Variants in PARP4 observed in about 807,000 individuals in gnomAD.
The protein encoded by PARP4 is poly(ADP-ribose) polymerase family member 4.
Under a neutral mutation model 187.7 loss-of-function variants are expected in PARP4, and 120 were observed. The observed-to-expected ratio is 0.64, with a 90% CI of 0.55 to 0.74. PARP4 has a LOEUF of 0.74. Among genes scored for constraint, PARP4 ranks in the 30% least tolerant of loss-of-function variants. The pLI is 0.00. For missense variants in PARP4, 1,836 were observed against 2,070.5 expected (o/e 0.89, Z 2.20); for synonymous variants, 654 against 740.9 (o/e 0.88, Z 1.90).
Position 24,477,829 on chromosome 13 carries a change from T to C in PARP4, c.1661A>G (p.Asn554Ser), listed in dbSNP as rs1162229283. The change falls in exon 14 of 34, where the codon AAT (asparagine) becomes AGT (serine). Residue 554 changes from asparagine (N) to serine (S), a missense_variant. Asn to Ser is a conservative substitution (Grantham distance 46). Around this residue, in one of 8 missense-constraint regions of PARP4, gnomAD observed 1,147 missense variants for 1,214.2 expected, o/e 0.94. Coordinates refer to ENST00000381989, the MANE Select transcript of PARP4 (RefSeq NM_006437.4). ...AATAATATATTTCATTTTAACCTGATTGGTTTTATAGACAACAAATTCATC... is the reference window on the plus strand; with the variant it reads ...AATAATATATTTCATTTTAACCTGACTGGTTTTATAGACAACAAATTCATC... ...EDDEFVVYKT[N>S]QVKMKYIIKF... is the part of the protein sequence containing the mutation. The C allele has an allele frequency of 3.2e-6, 5 of 1,582,918 alleles. No individual in the cohort carries two copies. The highest frequency in any genetic ancestry group is 3.4e-6 in the Non-Finnish European group (4 of 1,164,776).
chr13:24,458,132 T>C (rs1410639617), intron 20 of PARP4, among the ~76,000 whole-genome samples: 1 of 147,874 alleles, frequency 6.8e-6, no homozygotes, highest in Non-Finnish European at 1.5e-5. Context: ...TTTTTTGAGA[T>C]GGAGTCTCGC....
At chr13:24,463,866 T>C (rs1038357092) in intron 17 of PARP4, among the ~76,000 whole-genome samples, 1 of 152,198 alleles carries the variant, frequency 6.6e-6, no homozygotes, top group African/African-American at 2.4e-5. Context: ...TACCTCTGTT[T>C]GCAGATGACA....
At chr13:24,449,439 A>C (rs780838834) in intron 25 of PARP4, among the ~76,000 whole-genome samples, 3 of 152,064 alleles carry the variant, frequency 2.0e-5, no homozygotes, top group Non-Finnish European at 4.4e-5. Flanking sequence ...CATAATAAGG[A>C]AACAATTTCA....
At position 24,434,762 on chromosome 13, in the gene PARP4, G is replaced by A. The variant is rs1362465013; in HGVS notation, c.4379C>T (p.Ser1460Phe). 1 of 1,612,926 alleles carries A rather than the reference G, an allele frequency of 6.2e-7. No homozygotes were observed. ...GFGSYHPSASSPFHFQPSAAS... is the reference protein window; with the variant it reads ...GFGSYHPSASFPFHFQPSAAS... ...TGCGGAAGGTTGAAAATGAAAAGGA[G>A]AGGAAGCAGAGGGATGATAAGACCC... is the stretch of plus-strand genomic sequence containing the variant. The change falls in exon 31 of 34, where the codon TCT (serine) becomes TTT (phenylalanine). Residue 1460 changes from serine (S) to phenylalanine (F), a missense_variant. By Grantham distance (155) the Ser-to-Phe change is radical. Around this residue, in one of 8 missense-constraint regions of PARP4, gnomAD observed 450 missense variants for 439.2 expected, o/e 1.02. Transcript: ENST00000381989.
At position 24,446,714 on chromosome 13, in the gene PARP4, C is replaced by T. The variant is rs1375058625; in HGVS notation, c.3333G>A (p.Val1111=). The change falls in exon 27 of 34, where the codon GTG becomes GTA. Residue 1111 remains valine, a synonymous_variant. Coordinates refer to ENST00000381989, the MANE Select transcript of PARP4 (RefSeq NM_006437.4). ...LIQEKEFRTM[V]STTELQKTTG... ...TTGTCTTCTGAAGCTCAGTAGTCGA[C>T]ACCATTGTACGAAATTCTTTCTCTT... 6.2e-7 allele frequency: 1 copy of T among 1,602,300 alleles called. No individual in the cohort carries two copies. Among genetic ancestry groups the T allele is most frequent in the Admixed American group, 1.7e-5 (1 of 59,876 alleles).
chr13:24,506,496 T>G (rs982043153), intron 1 of PARP4, among the ~76,000 whole-genome samples: 14 of 152,184 alleles, frequency 9.2e-5, no homozygotes, highest in African/African-American at 3.1e-4. Flanking sequence ...TATAGAGCGC[T>G]GATTGGACTG....
chr13:24,449,405 A>G (rs2137465336), intron 25 of PARP4, among the ~76,000 whole-genome samples: 1 of 152,006 alleles, frequency 6.6e-6, no homozygotes, highest in Non-Finnish European at 1.5e-5. Context: ...AAAAAAAAAA[A>G]AAAATTAAAA....
At chr13:24,504,215 A>G (rs887896767) in intron 1 of PARP4, among the ~76,000 whole-genome samples, 2 of 149,004 alleles carry the variant, frequency 1.3e-5, no homozygotes, top group African/African-American at 2.6e-5. Flanking sequence ...CATTCTGGGG[A>G]AAAACTGAAC....
chr13:24,455,260 C>T (rs923917205), intron 21 of PARP4, 48 bp from the exon 22 acceptor site: 4 of 1,426,500 alleles, frequency 2.8e-6, no homozygotes, highest in Middle Eastern at 1.9e-4. Context: ...GTCACTTCAA[C>T]TGCAAAAGGT....
Position 24,501,820 on chromosome 13 carries a change from G to C in PARP4, c.147C>G (p.Ile49Met). The change falls in exon 3 of 34, where the codon ATC becomes ATG. Residue 49 changes from isoleucine (I) to methionine (M), a missense_variant. By Grantham distance (10) the Ile-to-Met change is conservative. Transcript: ENST00000381989. The stretch of plus-strand genomic sequence containing the variant: ...GACTCAGAACATCAGCATTATCTAA[G>C]ATTATATGTGTGCACTAAGGAAAAA... ...FSLNPQCTHI[I>M]LDNADVLSQY... 1.2e-6 allele frequency: 2 copies of C among 1,605,938 alleles called. No individual in the cohort carries two copies. The highest frequency in any genetic ancestry group is 1.7e-6 in the Non-Finnish European group (2 of 1,172,972).
At chr13:24,433,100 C>T (rs1395361187) in intron 31 of PARP4, among the ~76,000 whole-genome samples, 2 of 152,120 alleles carry the variant, frequency 1.3e-5, no homozygotes, top group African/African-American at 2.4e-5. Context: ...GCTTGCGTAA[C>T]GTCCTCTGGA....
At chr13:24,465,536 A>T (rs1872418756) in intron 17 of PARP4, among the ~76,000 whole-genome samples, 1 of 152,298 alleles carries the variant, frequency 6.6e-6, no homozygotes, top group South Asian at 2.1e-4. Context: ...AACTGAACAC[A>T]GGATGTTCTT....
chr13:24,486,104 A>T, intron 11 of PARP4, 64 bp downstream of exon 11: 1 of 1,449,386 alleles, frequency 6.9e-7, no homozygotes, highest in South Asian at 1.3e-5. Flanking sequence ...TAGGAAAAAA[A>T]GAAGTAAAAC....
At chr13:24,499,852 A>G (rs1593653010) in intron 4 of PARP4, among the ~76,000 whole-genome samples, 2 of 152,176 alleles carry the variant, frequency 1.3e-5, no homozygotes, top group East Asian at 3.9e-4. Flanking sequence ...AAATACAACA[A>G]GATTGAATGT....
chr13:24,484,067 A>G (rs1432942444), intron 12 of PARP4, among the ~76,000 whole-genome samples: 1 of 152,200 alleles, frequency 6.6e-6, no homozygotes, highest in Non-Finnish European at 1.5e-5. Flanking sequence ...GCCTGAACTC[A>G]GTCTCCATCC....
intron 15 of PARP4, 66 bp from the exon 16 acceptor site, chr13:24,470,091 C>T (rs574933560): frequency 1.8e-5 from 26 of 1,429,158 alleles, no homozygotes; most frequent in East Asian, 1.2e-4. Context: ...GGAACAAGGA[C>T]GAACGAAAAT....
At chr13:24,507,162 C>T (rs1482339556) in intron 1 of PARP4, among the ~76,000 whole-genome samples, 3 of 152,242 alleles carry the variant, frequency 2.0e-5, no homozygotes, top group South Asian at 2.1e-4. Flanking sequence ...GCGCCGCGCA[C>T]AGCCCCGGTT....
chr13:24,498,234 A>G lies in PARP4; in HGVS notation c.478-5T>C. 1.2e-6 allele frequency: 2 copies of G among 1,602,752 alleles called. No individual in the cohort carries two copies. Among genetic ancestry groups the G allele is most frequent in the Non-Finnish European group, 1.7e-6 (2 of 1,170,864 alleles). Reference sequence around the variant, plus strand: ...CTGGCCTCCCTCCATTCCCACCTGGAAAACAGGATGTGCTTTCAGAAGCTG... The same window carrying G: ...CTGGCCTCCCTCCATTCCCACCTGGGAAACAGGATGTGCTTTCAGAAGCTG... On this transcript the variant is annotated splice_polypyrimidine_tract_variant and splice_region_variant and intron_variant, in intron 5 of 33. Transcript: ENST00000381989.
At position 24,481,936 on chromosome 13, in the gene PARP4, C is replaced by T. The variant is rs147196294; in HGVS notation, c.1448+2717G>A. The stretch of plus-strand genomic sequence containing the variant: ...CAGTGATTCCTCTGATGGATCTGGA[C>T]GAAGTAAATTGAAAACCTTCTGGAA... On this transcript the variant is annotated intron_variant, in intron 12 of 33. Coordinates refer to ENST00000381989, the MANE Select transcript of PARP4 (RefSeq NM_006437.4). 6.2e-3 allele frequency among the ~76,000 whole-genome samples: 938 copies of T among 152,280 alleles called. 6 individuals carry two copies. The highest frequency in any genetic ancestry group is 0.011 in the African/African-American group (440 of 41,562).
Sources: allele counts gnomAD v4.1 joint callset (sites outside exome capture counted in the v4.1 genomes callset), GRCh38; gene constraint gnomAD v4.1.1; regional missense constraint gnomAD v4.1.1; transcripts MANE v1.5; gene names NCBI Gene and HGNC (gene_info 2026-07-23, HGNC 2026-07-21).